The following TAOK1 variants were observed in gnomAD, a reference collection of about 807,000 sequenced individuals.
The protein encoded by TAOK1 is TAO kinase 1.
In TAOK1, 21 loss-of-function variants were observed where a neutral mutation model predicts 138.3. The observed-to-expected ratio is 0.15, with a 90% CI of 0.11 to 0.22. The LOEUF is 0.22. TAOK1 is among the 10% of genes least tolerant of loss of function. The pLI, the probability that TAOK1 is intolerant of heterozygous loss-of-function variation, is 1.00. For missense variants in TAOK1, 651 were observed against 1,227.7 expected (o/e 0.53, Z 7.02); for synonymous variants, 361 against 398.4 (o/e 0.91, Z 1.12).
At chr17:29,442,419 A>T (rs770337227) in intron 1 of TAOK1, among the ~76,000 whole-genome samples, 23 of 141,560 alleles carry the variant, frequency 1.6e-4, no homozygotes, top group Non-Finnish European at 2.0e-4. Context: ...TTTCTATTTC[A>T]CTTATCACAG....
intron 1 of TAOK1, among the ~76,000 whole-genome samples, chr17:29,397,609 A>AC: frequency 3.8e-5 from 1 of 26,162 alleles, no homozygotes; most frequent in Non-Finnish European, 6.8e-5. Context: ...TCCCCCCCCA[A>AC]AAAAATATAT....
chr17:29,431,417 G>A (rs567070161), intron 1 of TAOK1, among the ~76,000 whole-genome samples: 242 of 151,890 alleles, frequency 1.6e-3, no homozygotes, highest in African/African-American at 5.8e-3. Flanking sequence ...ACTCCAACCC[G>A]GGCAACGGAG....
chr17:29,447,310 T>A (rs912038553), intron 1 of TAOK1, among the ~76,000 whole-genome samples: 2 of 152,162 alleles, frequency 1.3e-5, no homozygotes, highest in African/African-American at 4.8e-5. Flanking sequence ...TATTAACTCT[T>A]ATGTAAGTTT....
At chr17:29,400,039 G>T (rs1904789385) in intron 1 of TAOK1, among the ~76,000 whole-genome samples, 1 of 152,056 alleles carries the variant, frequency 6.6e-6, no homozygotes, top group Non-Finnish European at 1.5e-5. Flanking sequence ...CCTCTGATGG[G>T]AGTTTTTAAT....
chr17:29,507,331 C>A (rs1180339622), intron 13 of TAOK1, among the ~76,000 whole-genome samples: 1 of 149,830 alleles, frequency 6.7e-6, no homozygotes, highest in Non-Finnish European at 1.5e-5. Flanking sequence ...TATTTGCTTA[C>A]TCCAAGGTTA....
chr17:29,530,240 T>C (rs892880131), intron 17 of TAOK1, among the ~76,000 whole-genome samples, 167 bp from the exon 18 acceptor site: 3 of 152,212 alleles, frequency 2.0e-5, no homozygotes, highest in Non-Finnish European at 4.4e-5. Flanking sequence ...AATCAGCAGT[T>C]TGGCCAAATA....
intron 17 of TAOK1, among the ~76,000 whole-genome samples, chr17:29,529,801 C>T (rs1013649047): frequency 1.3e-5 from 2 of 150,316 alleles, no homozygotes; most frequent in African/African-American, 4.9e-5. Flanking sequence ...AGGGAGGCGG[C>T]GGTTGCAGTG....
intron 1 of TAOK1, among the ~76,000 whole-genome samples, chr17:29,427,911 G>A (rs376319434): frequency 0.012 from 1,565 of 131,772 alleles, 34 homozygotes; most frequent in African/African-American, 0.045. Flanking sequence ...GGGCAACAGC[G>A]TGAGACTCTG....
intron 1 of TAOK1, among the ~76,000 whole-genome samples, chr17:29,406,048 A>C (rs1465243317): frequency 6.6e-6 from 1 of 152,176 alleles, no homozygotes; most frequent in African/African-American, 2.4e-5. Flanking sequence ...CTTGCAAGTA[A>C]ATACATACAA....
At chr17:29,508,998 C>G (rs1413189706) in intron 14 of TAOK1, among the ~76,000 whole-genome samples, 2 of 152,072 alleles carry the variant, frequency 1.3e-5, no homozygotes, top group Non-Finnish European at 2.9e-5. Context: ...TTTATCATAG[C>G]TACCCTCTTC....
chr17:29,533,187 C>T (rs903519820), intron 18 of TAOK1, among the ~76,000 whole-genome samples: 1 of 146,358 alleles, frequency 6.8e-6, no homozygotes, highest in Non-Finnish European at 1.5e-5. Flanking sequence ...CAGAGGCGCT[C>T]CTCACATCCC....
chr17:29,531,663 G>C (rs1395525910), intron 18 of TAOK1, among the ~76,000 whole-genome samples: 1 of 151,484 alleles, frequency 6.6e-6, no homozygotes, highest in African/African-American at 2.4e-5. Context: ...CTCTGGAGGC[G>C]GAGGCGGGAG....
intron 2 of TAOK1, among the ~76,000 whole-genome samples, chr17:29,457,934 C>T (rs2030432654): frequency 6.6e-6 from 1 of 151,878 alleles, no homozygotes; most frequent in South Asian, 2.1e-4. Context: ...CACGGTGAAA[C>T]TCCATCTCTA....
At chr17:29,429,376 G>A (rs4795509) in intron 1 of TAOK1, among the ~76,000 whole-genome samples, 97,782 of 151,538 alleles carry the variant, frequency 0.65, 33,410 homozygotes, top group East Asian at 0.97. Context: ...CCTGGGTTCA[G>A]GTGATTCTTG....
intron 1 of TAOK1, among the ~76,000 whole-genome samples, chr17:29,391,597 G>A (rs1285828081): frequency 1.3e-5 from 2 of 152,228 alleles, no homozygotes; most frequent in African/African-American, 4.8e-5. Context: ...AAGGGAGGGG[G>A]AGCAGGAGAG....
intron 15 of TAOK1, among the ~76,000 whole-genome samples, chr17:29,515,635 A>G (rs544942396): frequency 2.0e-5 from 3 of 152,192 alleles, no homozygotes; most frequent in South Asian, 4.1e-4. Flanking sequence ...GGAGATCGAG[A>G]CCATACTGGC....
At chr17:29,410,634 G>GT (rs1905118074) in intron 1 of TAOK1, among the ~76,000 whole-genome samples, 555 of 93,060 alleles carry the variant, frequency 6.0e-3, no homozygotes, top group African/African-American at 0.014. Flanking sequence ...TTTTTTTTTT[G>GT]GTTTTTTTTT....
At chr17:29,536,602 A>T (rs541501307) in intron 19 of TAOK1, among the ~76,000 whole-genome samples, 77 of 151,540 alleles carry the variant, frequency 5.1e-4, no homozygotes, top group Middle Eastern at 3.4e-3. Flanking sequence ...TCCATCTCAA[A>T]AAATAAATAA....
chr17:29,548,138 G>A lies in TAOK1; in HGVS notation c.*5116G>A, dbSNP rs745498660. 1 of 151,962 alleles carries A rather than the reference G, an allele frequency of 6.6e-6. No individual in the cohort carries two copies. Among genetic ancestry groups the A allele is most frequent in the Non-Finnish European group, 1.5e-5 (1 of 67,956 alleles). 9.4% of individuals were successfully genotyped at this position (151,962 alleles called of 1,614,324 possible). A position where few individuals can be genotyped will look rare whatever the true frequency, so the allele number is the denominator to read the frequency against. On this transcript the variant is annotated 3_prime_UTR_variant, in exon 20 of 20. Transcript: ENST00000261716. ...TTGACTAATGTTTTCCTCCTTGTTTGTATTCAGATTTCCAAAATTTCACTC... is the reference window on the plus strand; with the variant it reads ...TTGACTAATGTTTTCCTCCTTGTTTATATTCAGATTTCCAAAATTTCACTC...
Sources: allele counts gnomAD v4.1 joint callset (sites outside exome capture counted in the v4.1 genomes callset), GRCh38; gene constraint gnomAD v4.1.1; transcripts MANE v1.5; gene names NCBI Gene and HGNC (gene_info 2026-07-23, HGNC 2026-07-21).